Variants in GRIP1 observed in about 807,000 individuals in gnomAD.
GRIP1 encodes glutamate receptor interacting protein 1.
In GRIP1, 45 loss-of-function variants were observed where a neutral mutation model predicts 129.9. The ratio of observed to expected loss-of-function variants is 0.35; its 90% CI spans 0.27 to 0.44. The LOEUF (loss-of-function observed/expected upper bound fraction) is 0.44, where lower values mean the gene tolerates loss of function less well. Ranked by LOEUF, GRIP1 falls within the 20% of genes least tolerant of loss-of-function variation. GRIP1 has a pLI of 1.00. For synonymous variants in GRIP1, 530 were observed against 520.8 expected (o/e 1.02, Z -0.24); for missense variants, 1,196 against 1,396.8 (o/e 0.86, Z 2.29).
At chr12:66,611,271 A>T (rs2064781886) in intron 1 of GRIP1, among the ~76,000 whole-genome samples, 1 of 152,122 alleles carries the variant, frequency 6.6e-6, no homozygotes, top group South Asian at 2.1e-4. Context: ...TTCAAATGAC[A>T]TTTTTTCTTT....
upstream of GRIP1, among the ~76,000 whole-genome samples, chr12:66,681,234 G>A (rs1007126013): frequency 2.6e-5 from 4 of 152,056 alleles, no homozygotes; most frequent in South Asian, 2.1e-4. Flanking sequence ...GAAAATGAAC[G>A]AATTCACCAG....
At chr12:66,587,597 A>G (rs1266354791) in intron 2 of GRIP1, among the ~76,000 whole-genome samples, 2 of 152,236 alleles carry the variant, frequency 1.3e-5, no homozygotes, top group East Asian at 1.9e-4. Flanking sequence ...GTGACTGCTC[A>G]ACGAGTAACT....
intron 8 of GRIP1, 124 bp downstream of exon 8, chr12:66,465,151 G>A: frequency 1.4e-6 from 1 of 706,836 alleles, no homozygotes; most frequent in Admixed American, 2.0e-5. Flanking sequence ...TCACCATGTT[G>A]GCCAAGCTGG....
At chr12:66,590,629 T>C (rs554013411) in intron 2 of GRIP1, among the ~76,000 whole-genome samples, 2 of 151,178 alleles carry the variant, frequency 1.3e-5, no homozygotes, top group African/African-American at 4.9e-5. Flanking sequence ...ATCACTCTTA[T>C]CTTGTCAATT....
At chr12:66,673,186 T>G (rs1170119489) in intron 1 of GRIP1, among the ~76,000 whole-genome samples, 2 of 152,230 alleles carry the variant, frequency 1.3e-5, no homozygotes, top group African/African-American at 4.8e-5. Context: ...TCTTAACTTC[T>G]CTGAACCTCT....
At chr12:66,995,739 T>TA (rs2042457702) in intron 1 of GRIP1, among the ~76,000 whole-genome samples, 1 of 152,210 alleles carries the variant, frequency 6.6e-6, no homozygotes, top group South Asian at 2.1e-4. Context: ...GATAAAGTGG[T>TA]ACAACTGCTT....
At chr12:66,453,052 A>C (rs2058853775) in intron 11 of GRIP1, among the ~76,000 whole-genome samples, 1 of 152,206 alleles carries the variant, frequency 6.6e-6, no homozygotes, top group African/African-American at 2.4e-5. Flanking sequence ...CAGCAAACAC[A>C]AACAACTAGA....
intron 1 of GRIP1, among the ~76,000 whole-genome samples, chr12:66,718,995 G>C (rs2035977719): frequency 6.6e-6 from 1 of 152,040 alleles, no homozygotes; most frequent in Non-Finnish European, 1.5e-5. Context: ...GAACAAAAGT[G>C]ACTATATCAC....
chr12:66,592,332 C>G (rs1323278479), intron 2 of GRIP1, among the ~76,000 whole-genome samples: 2 of 152,126 alleles, frequency 1.3e-5, no homozygotes, highest in Non-Finnish European at 2.9e-5. Flanking sequence ...ATTTTTACTA[C>G]CCACTTCCAA....
intron 1 of GRIP1, among the ~76,000 whole-genome samples, chr12:66,652,427 G>A (rs886359919): frequency 2.0e-5 from 3 of 152,136 alleles, no homozygotes; most frequent in Non-Finnish European, 2.9e-5. Flanking sequence ...CCAGCCACAC[G>A]GAACTGTGAG....
intron 1 of GRIP1, among the ~76,000 whole-genome samples, chr12:66,857,729 G>A (rs1033840189): frequency 6.6e-6 from 1 of 151,896 alleles, no homozygotes; most frequent in Non-Finnish European, 1.5e-5. Flanking sequence ...GTGCAGGGAG[G>A]TAAGGCATAT....
rs556237643 is a variant in GRIP1, at chr12:66,349,111, G to A, written c.3295C>T (p.Pro1099Ser). Residue 1099 changes from proline (P) to serine (S), a missense_variant, in exon 25 of 25, where the codon CCA becomes TCA. Pro to Ser is a moderately conservative substitution (Grantham distance 74). This residue lies in a region of GRIP1 where 427 missense variants were observed against 463.3 expected (regional missense o/e 0.92). Transcript: ENST00000359742. ...CTGTTCTGTTCACTCCAATCTCCTG[G>A]TAGACTCTGTTGGTCTATAGACTTC... ...SQKSIDQQSL[P>S]GDWSEQNSAF... 2 of 1,614,008 alleles carry A rather than the reference G, an allele frequency of 1.2e-6. No homozygotes were observed. Among genetic ancestry groups the A allele is most frequent in the African/African-American group, 1.3e-5 (1 of 75,016 alleles).
chr12:66,694,815 T>G (rs1003317602), intron 1 of GRIP1, among the ~76,000 whole-genome samples: 1 of 152,134 alleles, frequency 6.6e-6, no homozygotes, highest in African/African-American at 2.4e-5. Context: ...AGGGAATAGA[T>G]GCTGGTAACC....
At chr12:66,478,342 A>C (rs1320958673) in intron 7 of GRIP1, among the ~76,000 whole-genome samples, 3 of 152,264 alleles carry the variant, frequency 2.0e-5, no homozygotes, top group East Asian at 1.9e-4. Context: ...CATCTCACAC[A>C]AGTTAGAATG....
At chr12:66,471,569 A>C (rs2059439636) in intron 7 of GRIP1, among the ~76,000 whole-genome samples, 1 of 152,226 alleles carries the variant, frequency 6.6e-6, no homozygotes, top group African/African-American at 2.4e-5. Flanking sequence ...GAATGACTCA[A>C]TTTCCCAGCA....
chr12:66,697,818 T>A (rs1280080000), intron 1 of GRIP1, among the ~76,000 whole-genome samples: 1 of 152,212 alleles, frequency 6.6e-6, no homozygotes, highest in Non-Finnish European at 1.5e-5. Context: ...TCTGGCCTTA[T>A]TCAAACTATG....
chr12:67,068,911 C>T, intron 1 of GRIP1: 1 of 146,024 alleles, frequency 6.8e-6, no homozygotes, highest in Non-Finnish European at 1.4e-5. Flanking sequence ...CACCTGGATT[C>T]GCCCGCGGGC....
intron 1 of GRIP1, among the ~76,000 whole-genome samples, chr12:66,848,382 C>T (rs897149062): frequency 6.6e-5 from 10 of 152,012 alleles, no homozygotes; most frequent in African/African-American, 2.4e-4. Context: ...CTATACAGGG[C>T]CCTAGGAATA....
intron 7 of GRIP1, among the ~76,000 whole-genome samples, chr12:66,514,751 T>C (rs755930233): frequency 6.6e-6 from 1 of 152,144 alleles, no homozygotes; most frequent in Non-Finnish European, 1.5e-5. Flanking sequence ...AATAGTCTTG[T>C]ATGACATTGT....
Sources: allele counts gnomAD v4.1 joint callset (sites outside exome capture counted in the v4.1 genomes callset), GRCh38; gene constraint gnomAD v4.1.1; regional missense constraint gnomAD v4.1.1; transcripts MANE v1.5; gene names NCBI Gene and HGNC (gene_info 2026-07-23, HGNC 2026-07-21).